Variants in LVRN observed in about 807,000 individuals in gnomAD.
The protein encoded by LVRN is laeverin, also known as aminopeptidase Q.
LVRN carries 99 observed loss-of-function variants against 111.4 expected under a neutral mutation model. The ratio of observed to expected loss-of-function variants is 0.89; its 90% confidence interval spans 0.76 to 1.05. LVRN has a LOEUF of 1.05. LVRN is among the 50% of genes least tolerant of loss of function. The pLI is 0.00. For missense variants in LVRN, 1,414 were observed against 1,206.8 expected, an observed-to-expected ratio of 1.17 and a Z score of -2.54; for synonymous variants, 488 against 449.5, an observed-to-expected ratio of 1.09 and a Z score of -1.08.
chr5:116,005,975 T>C lies in LVRN; in HGVS notation c.2093+8T>C. 1.3e-6 allele frequency: 2 copies of C among 1,582,682 alleles called. No individual in the cohort carries two copies. Among genetic ancestry groups the C allele is most frequent in the Non-Finnish European group, 1.7e-6 (2 of 1,152,120 alleles). On this transcript the variant is annotated splice_region_variant and intron_variant, in intron 13 of 19. Coordinates refer to ENST00000357872, the MANE Select transcript of LVRN (RefSeq NM_173800.5). ...TGCCTTTTCCTTGTCTAAGTGAGTA[T>C]ATTTTCTTCTCTCATGGTTTCAGAA... is the stretch of plus-strand genomic sequence containing the variant.
In LVRN at chr5:116,003,334, A is replaced by G; in HGVS notation, c.1991A>G (p.Lys664Arg). 1 of 1,525,400 alleles carries G rather than the reference A, an allele frequency of 6.6e-7. No homozygotes were observed. Among genetic ancestry groups the G allele is most frequent in the Non-Finnish European group, 8.9e-7 (1 of 1,122,296 alleles). The allele number at this position is 1,525,400 out of a possible 1,614,324, so 94.5% of individuals were successfully genotyped here. The change falls in exon 12 of 20, where the codon AAA becomes AGA. Residue 664 changes from lysine (K) to arginine (R), a missense_variant. Coordinates refer to ENST00000357872, the MANE Select transcript of LVRN (RefSeq NM_173800.5). ...MTGYYRVNYD[K>R]LGWKKLNQQL... ...GGATATTATAGAGTTAATTATGATA[A>G]ATTAGGTTGGAAGAAACTAAATCAA...
At chr5:116,009,320 C>T (rs891308400) in intron 13 of LVRN, among the ~76,000 whole-genome samples, 31 of 152,168 alleles carry the variant, frequency 2.0e-4, no homozygotes, top group Admixed American at 5.9e-4. Context: ...CTTGGTTACA[C>T]AAGCACTATG....
intron 14 of LVRN, 77 bp from the exon 15 acceptor site, chr5:116,012,297 A>G: frequency 1.3e-6 from 1 of 787,384 alleles, no homozygotes; most frequent in East Asian, 2.8e-5. Flanking sequence ...GTCTTTTCAG[A>G]TAAATAAATA....
At chr5:115,980,181 GA>G (rs1753533199) in intron 1 of LVRN, among the ~76,000 whole-genome samples, 1 of 152,110 alleles carries the variant, frequency 6.6e-6, no homozygotes, top group Non-Finnish European at 1.5e-5. Context: ...AGTGAGATTT[GA>G]AGGGAGGAGA....
chr5:115,972,773 C>G (rs780095060), intron 1 of LVRN, among the ~76,000 whole-genome samples: 6 of 151,724 alleles, frequency 4.0e-5, no homozygotes, highest in Non-Finnish European at 8.8e-5. Flanking sequence ...GAAAACGTTT[C>G]CTTTTATTTA....
intron 9 of LVRN, 87 bp from the exon 10 acceptor site, chr5:116,000,980 T>A: frequency 7.0e-7 from 1 of 1,424,892 alleles, no homozygotes; most frequent in East Asian, 2.3e-5. Context: ...AGGAAGAGAA[T>A]AGCTACCGAG....
At chr5:115,993,923 G>A (rs1748051063) in intron 6 of LVRN, 69 bp downstream of exon 6, 2 of 876,426 alleles carry the variant, frequency 2.3e-6, no homozygotes, top group South Asian at 2.2e-5. Context: ...ATTCATTCTT[G>A]AAAATGTATA....
intron 6 of LVRN, among the ~76,000 whole-genome samples, chr5:115,998,581 G>C (rs1189584044): frequency 6.6e-6 from 1 of 152,146 alleles, no homozygotes; most frequent in African/African-American, 2.4e-5. Flanking sequence ...CTCTCAAGAA[G>C]CCTTGAGTGT....
chr5:116,010,602 G>T, intron 13 of LVRN, 139 bp from the exon 14 acceptor site: 1 of 870,708 alleles, frequency 1.1e-6, no homozygotes, highest in South Asian at 1.5e-5. Flanking sequence ...TATAAGATGG[G>T]ACATTTACCT....
intron 6 of LVRN, among the ~76,000 whole-genome samples, chr5:115,994,538 G>A (rs1307809634): frequency 1.3e-5 from 2 of 152,318 alleles, no homozygotes; most frequent in Middle Eastern, 6.8e-3. Context: ...CTCCCAAAGT[G>A]CTGGGATTAC....
chr5:115,993,954 A>G, intron 6 of LVRN, 100 bp downstream of exon 6: 1 of 648,602 alleles, frequency 1.5e-6, no homozygotes, highest in Non-Finnish European at 2.4e-6. Flanking sequence ...AAATACAAGA[A>G]ATAATAAATT....
chr5:116,011,774 G>T (rs1748494437), intron 14 of LVRN, among the ~76,000 whole-genome samples: 1 of 152,162 alleles, frequency 6.6e-6, no homozygotes, highest in African/African-American at 2.4e-5. Context: ...TCTGGGTAAA[G>T]AAGTAAAACT....
rs751652412 is a variant in LVRN, at chr5:116,015,723, C to G, written c.2714C>G (p.Ala905Gly). ...TCATCTGAAGTTGGCCGGTATGTCG[C>G]AAAAGACTTCTTAGTCAACAACTGG... is the stretch of plus-strand genomic sequence containing the variant. ...VASSEVGRYV[A>G]KDFLVNNWQA... Residue 905 changes from alanine to glycine, a missense_variant, in exon 18 of 20, where the codon GCA becomes GGA. Ala to Gly is a moderately conservative substitution (Grantham distance 60). Coordinates refer to ENST00000357872, the MANE Select transcript of LVRN (RefSeq NM_173800.5). The G allele has an allele frequency of 3.2e-5, 52 of 1,613,272 alleles. No homozygotes were observed. The highest frequency in any genetic ancestry group is 1.8e-4 in the Admixed American group (11 of 59,932).
intron 1 of LVRN, among the ~76,000 whole-genome samples, chr5:115,977,594 A>G (rs1753474777): frequency 6.6e-6 from 1 of 152,204 alleles, no homozygotes; most frequent in South Asian, 2.1e-4. Context: ...AGTCGTCTTC[A>G]TGACATCTCA....
chr5:116,009,715 C>T (rs1235521823), intron 13 of LVRN, among the ~76,000 whole-genome samples: 2 of 152,078 alleles, frequency 1.3e-5, no homozygotes, highest in Non-Finnish European at 2.9e-5. Flanking sequence ...AGAAGTGAAG[C>T]CTGAAGATGC....
chr5:115,973,986 A>G lies in LVRN; in HGVS notation c.696-9301A>G, dbSNP rs140340479. 6.3e-3 allele frequency among the ~76,000 whole-genome samples: 963 copies of G among 152,336 alleles called. 8 individuals are homozygous for G. The highest frequency in any genetic ancestry group is 0.022 in the African/African-American group (917 of 41,580). Reference sequence around the variant, plus strand: ...ATTCTTTAAACATTTACAGAATATAATAAGCCCCCATTCATAACCCAGCTT... The same window carrying G: ...ATTCTTTAAACATTTACAGAATATAGTAAGCCCCCATTCATAACCCAGCTT... On this transcript the variant is annotated intron_variant, in intron 1 of 19. Transcript: ENST00000357872.
At chr5:116,000,926 A>G (rs1748224069) in intron 9 of LVRN, 141 bp from the exon 10 acceptor site, 2 of 904,052 alleles carry the variant, frequency 2.2e-6, no homozygotes, top group South Asian at 3.6e-5. Context: ...AGAGTTCTAA[A>G]TTTGCCCCAG....
intron 5 of LVRN, among the ~76,000 whole-genome samples, chr5:115,992,648 C>A (rs962164344): frequency 6.6e-6 from 1 of 152,192 alleles, no homozygotes; most frequent in African/African-American, 2.4e-5. Context: ...CACATTTCAT[C>A]AGCAGATTGT....
chr5:116,026,117 A>G lies in LVRN; in HGVS notation c.2972A>G (p.Ter991TrpextTer13), dbSNP rs754753221. 1.9e-6 allele frequency: 3 copies of G among 1,613,698 alleles called. No homozygotes were observed. The Admixed American group carries it at 5.0e-5, about 27-fold the overall frequency. Residue 991 changes from the stop codon to tryptophan (W), a stop_lost, in exon 20 of 20, where the codon TAG becomes TGG. Coordinates refer to ENST00000357872, the MANE Select transcript of LVRN (RefSeq NM_173800.5). The stretch of plus-strand genomic sequence containing the variant: ...GCTGCGTGGCTAAGGAGAAACACAT[A>G]GCTTGTGGCTATCTTTCAGCACTCC... ...RIAAWLRRNT[*>W] is the part of the protein sequence containing the mutation.
Sources: gnomAD v4.1 joint callset for allele counts (sites outside exome capture counted in the v4.1 genomes callset) on GRCh38, gnomAD v4.1.1 for gene constraint, MANE v1.5 for transcripts, NCBI Gene and HGNC (gene_info 2026-07-23, HGNC 2026-07-21) for gene names.